EEA1: variants seen among roughly 807,000 people sequenced by gnomAD.
EEA1 encodes the protein early endosome antigen 1, also known as early endosome antigen 1, 162kD.
In EEA1, 111 loss-of-function variants were observed where a neutral mutation model predicts 209.2. That is an observed-to-expected ratio of 0.53 (90% CI 0.45 to 0.62). The LOEUF is 0.62. EEA1 is among the 20% of genes least tolerant of loss of function. The pLI, the probability that EEA1 is intolerant of heterozygous loss-of-function variation, is 0.00. For synonymous variants in EEA1, 536 were observed against 540.6 expected (o/e 0.99, Z 0.12); for missense variants, 1,343 against 1,530.8 (o/e 0.88, Z 2.05).
intron 3 of EEA1, chr12:92,859,337 G>A: frequency 9.6e-7 from 1 of 1,045,158 alleles, no homozygotes; most frequent in Non-Finnish European, 1.4e-6. Flanking sequence ...TTCAAGCTCT[G>A]AGGGAAAGGG....
intron 9 of EEA1, among the ~76,000 whole-genome samples, chr12:92,850,756 T>C (rs1877591311): frequency 6.7e-6 from 1 of 150,338 alleles, no homozygotes; most frequent in African/African-American, 2.4e-5. Context: ...CTTAAATATA[T>C]TTTCTAAACA....
At chr12:92,808,150 A>G (rs1362503482) in intron 18 of EEA1, among the ~76,000 whole-genome samples, 2 of 152,124 alleles carry the variant, frequency 1.3e-5, no homozygotes, top group Non-Finnish European at 2.9e-5. Flanking sequence ...GATATTAGGT[A>G]CCAATACCAT....
At position 92,778,609 on chromosome 12, in the gene EEA1, C is replaced by G. The variant is rs548110630; in HGVS notation, c.3655-430G>C. ...ACTGTTTGAAGTTAAAATTGAAACTCTTCAACTAAAATATTCAATGGCCAA... is the reference window on the plus strand; with the variant it reads ...ACTGTTTGAAGTTAAAATTGAAACTGTTCAACTAAAATATTCAATGGCCAA... On this transcript the variant is annotated intron_variant, in intron 25 of 28. Transcript: ENST00000322349. Among the ~76,000 whole-genome samples the G allele has an allele frequency of 5.9e-5, 9 of 152,162 alleles. No individual in the cohort carries two copies. In the South Asian group the frequency reaches 1.7e-3, roughly 28 times the overall value.
chr12:92,798,913 A>C lies in EEA1; in HGVS notation c.2946T>G (p.Leu982=). The change falls in exon 21 of 29, where the codon CTT becomes CTG. Residue 982 remains leucine (L), a synonymous_variant. Coordinates refer to ENST00000322349, the MANE Select transcript of EEA1 (RefSeq NM_003566.4). The part of the protein sequence containing the change: ...KKQIEALQGE[L]KIAVLQKTEL... ...CTACCTTCTGTAAAACAGCAATTTTAAGCTCTCCTTGGAGTGCTTCAATTT... is the reference window on the plus strand; with the variant it reads ...CTACCTTCTGTAAAACAGCAATTTTCAGCTCTCCTTGGAGTGCTTCAATTT... 3 of 1,592,862 alleles carry C rather than the reference A, an allele frequency of 1.9e-6. No homozygotes were observed. The highest frequency in any genetic ancestry group is 2.6e-6 in the Non-Finnish European group (3 of 1,174,198).
chr12:92,834,647 C>T (rs1016297930), intron 10 of EEA1, among the ~76,000 whole-genome samples: 1 of 147,266 alleles, frequency 6.8e-6, no homozygotes, highest in Non-Finnish European at 1.5e-5. Flanking sequence ...AAATTAGCTA[C>T]AAGATGTGTG....
Position 92,809,152 on chromosome 12 carries a change from A to C in EEA1, c.2204T>G (p.Leu735Arg), listed in dbSNP as rs758780867. 2 of 1,559,174 alleles carry C rather than the reference A, an allele frequency of 1.3e-6. No individual in the cohort carries two copies. Among genetic ancestry groups the C allele is most frequent in the Admixed American group, 3.9e-5 (2 of 51,910 alleles). The change falls in exon 18 of 29, where the codon CTA (leucine) becomes CGA (arginine). Residue 735 changes from leucine to arginine, a missense_variant. Coordinates refer to ENST00000322349, the MANE Select transcript of EEA1 (RefSeq NM_003566.4). ...TEELEGQIKK[L>R]EADSLEVKAS... Reference sequence around the variant, plus strand: ...TTTAACTTCAAGACTATCAGCTTCTAGTTTCTATGAAAGAAATATGATATG... The same window carrying C: ...TTTAACTTCAAGACTATCAGCTTCTCGTTTCTATGAAAGAAATATGATATG...
chr12:92,862,035 G>A (rs751381745), intron 3 of EEA1, among the ~76,000 whole-genome samples: 29 of 152,270 alleles, frequency 1.9e-4, no homozygotes, highest in Non-Finnish European at 3.4e-4. Context: ...ATAAGCTGAT[G>A]AACAGAAGGC....
chr12:92,836,631 C>A (rs1444791500), intron 10 of EEA1, among the ~76,000 whole-genome samples: 1 of 152,126 alleles, frequency 6.6e-6, no homozygotes, highest in African/African-American at 2.4e-5. Context: ...TTGTTCTATG[C>A]CTTTTGTACA....
At position 92,817,053 on chromosome 12, in the gene EEA1, T is replaced by C. The variant is rs763679749; in HGVS notation, c.1729-653A>G. Among the ~76,000 whole-genome samples, 3 of 151,276 alleles carry C rather than the reference T, an allele frequency of 2.0e-5. 1 individual carries two copies. Among genetic ancestry groups the C allele is most frequent in the African/African-American group, 7.4e-5 (3 of 40,564 alleles). On this transcript the variant is annotated intron_variant, in intron 14 of 28. Coordinates refer to ENST00000322349, the MANE Select transcript of EEA1 (RefSeq NM_003566.4). ...TTAACCAAAAATTAAAGTTTTTTCA[T>C]TTGCATCCATTGAAATTTTAAAAAT...
At chr12:92,890,456 A>G (rs1389165363) in intron 2 of EEA1, among the ~76,000 whole-genome samples, 2 of 152,204 alleles carry the variant, frequency 1.3e-5, no homozygotes, top group East Asian at 3.8e-4. Context: ...ACGGTGACTG[A>G]GAGAAGGTTA....
chr12:92,804,622 C>T (rs1875106577), intron 18 of EEA1, among the ~76,000 whole-genome samples: 1 of 150,332 alleles, frequency 6.7e-6, no homozygotes, highest in Admixed American at 6.6e-5. Flanking sequence ...CCTAGGAAAG[C>T]CTCAATATTT....
intron 22 of EEA1, among the ~76,000 whole-genome samples, chr12:92,786,898 A>G (rs1874159521): frequency 6.6e-6 from 1 of 152,126 alleles, no homozygotes; most frequent in Non-Finnish European, 1.5e-5. Context: ...CCAAACATAA[A>G]CTAGTACGCC....
chr12:92,798,414 C>A (rs1172422211), intron 21 of EEA1, among the ~76,000 whole-genome samples: 1 of 151,360 alleles, frequency 6.6e-6, no homozygotes, highest in Non-Finnish European at 1.5e-5. Flanking sequence ...GATCTCAGCT[C>A]ACTGCAACCT....
intron 9 of EEA1, among the ~76,000 whole-genome samples, chr12:92,847,956 G>C (rs1357099651): frequency 2.0e-5 from 3 of 151,910 alleles, no homozygotes; most frequent in African/African-American, 7.2e-5. Flanking sequence ...TGACTCTTAA[G>C]TTACCATTTC....
chr12:92,798,782 C>G lies in EEA1; in HGVS notation c.2967+110G>C, dbSNP rs147755495. 6.4e-4 allele frequency: 471 copies of G among 739,408 alleles called. 1 individual carries two copies. The African/African-American group carries it at 7.7e-3, about 12-fold the overall frequency. 45.8% of individuals were successfully genotyped at this position (739,408 alleles called of 1,614,324 possible). On this transcript the variant is annotated intron_variant, in intron 21 of 28. Transcript: ENST00000322349. ...TATATTAAACTTAGAAAAAAATTAG[C>G]TTATGTAAACTTTTCAATGTTGCAA...
chr12:92,788,345 T>C (rs1171276868), intron 21 of EEA1, among the ~76,000 whole-genome samples: 1 of 151,990 alleles, frequency 6.6e-6, no homozygotes, highest in Non-Finnish European at 1.5e-5. Flanking sequence ...AACTACATTC[T>C]GAGGGAGCAT....
At chr12:92,866,750 C>T (rs1878415936) in intron 2 of EEA1, among the ~76,000 whole-genome samples, 1 of 152,190 alleles carries the variant, frequency 6.6e-6, no homozygotes. Context: ...TCTCTACCTG[C>T]ATCCCACAGG....
At chr12:92,789,834 C>T (rs971930239) in intron 21 of EEA1, among the ~76,000 whole-genome samples, 10 of 152,202 alleles carry the variant, frequency 6.6e-5, no homozygotes, top group African/African-American at 2.4e-4. Flanking sequence ...GGTCCCTGAC[C>T]CCTGAGTAGC....
intron 1 of EEA1, among the ~76,000 whole-genome samples, chr12:92,906,826 A>C (rs575089666): frequency 2.6e-5 from 4 of 152,162 alleles, no homozygotes; most frequent in Non-Finnish European, 5.9e-5. Context: ...AATAAAAAAA[A>C]AATTAAATAA....
Sources: gnomAD v4.1 joint callset for allele counts (sites outside exome capture counted in the v4.1 genomes callset) on GRCh38, gnomAD v4.1.1 for gene constraint, MANE v1.5 for transcripts, NCBI Gene and HGNC (gene_info 2026-07-23, HGNC 2026-07-21) for gene names.